Variants in CHST15 observed in about 807,000 individuals in gnomAD.
The protein encoded by CHST15 is carbohydrate sulfotransferase 15.
CHST15 carries 30 observed loss-of-function variants against 53.6 expected under a neutral mutation model. That is an observed-to-expected ratio of 0.56 (90% CI 0.42 to 0.76). The LOEUF (loss-of-function observed/expected upper bound fraction) is 0.76. CHST15 is among the 30% of genes least tolerant of loss of function. CHST15 has a pLI of 0.00. For synonymous variants in CHST15, 296 were observed against 289.8 expected (o/e 1.02, Z -0.22); for missense variants, 627 against 740.5 (o/e 0.85, Z 1.78).
intron 1 of CHST15, among the ~76,000 whole-genome samples, chr10:124,075,245 AG>A (rs573074956): frequency 4.7e-4 from 72 of 152,246 alleles, no homozygotes; most frequent in African/African-American, 1.7e-3. Context: ...CACGGTGGGG[AG>A]GGTACAATCC....
intron 4 of CHST15, 36 bp downstream of exon 4, chr10:124,042,265 G>A (rs372346153): frequency 1.3e-6 from 2 of 1,579,786 alleles, no homozygotes; most frequent in African/African-American, 1.3e-5. Context: ...CCCCAGGGAG[G>A]GTGCTAGCCC....
At chr10:124,055,448 C>G (rs576908555) in intron 1 of CHST15, among the ~76,000 whole-genome samples, 1 of 152,134 alleles carries the variant, frequency 6.6e-6, no homozygotes, top group Non-Finnish European at 1.5e-5. Flanking sequence ...TGGGTCCTCA[C>G]TCCAGGGTTA....
intron 7 of CHST15, chr10:124,011,647 C>G (rs1946420184): frequency 1.0e-6 from 1 of 985,348 alleles, no homozygotes; most frequent in African/African-American, 1.7e-5. Context: ...GCACATGCCT[C>G]TGCCAGCCAT....
At chr10:124,018,970 G>A (rs922229849) in intron 6 of CHST15, among the ~76,000 whole-genome samples, 1 of 152,196 alleles carries the variant, frequency 6.6e-6, no homozygotes, top group Non-Finnish European at 1.5e-5. Flanking sequence ...CCGCGAGCAC[G>A]TTCCCCGATT....
Position 124,045,826 on chromosome 10 carries a change from A to G in CHST15, c.387T>C (p.Ser129=), listed in dbSNP as rs762475795. 5 of 1,614,034 alleles carry G rather than the reference A, an allele frequency of 3.1e-6. No individual in the cohort carries two copies. Among genetic ancestry groups the G allele is most frequent in the Non-Finnish European group, 4.2e-6 (5 of 1,180,012 alleles). The change falls in exon 2 of 8, where the codon AGT becomes AGC. Residue 129 remains serine (S), a synonymous_variant. Coordinates refer to ENST00000435907, the MANE Select transcript of CHST15 (RefSeq NM_001270764.2). ...ATTGGTGGTGATGCTCCTTTGTGTCACTTGGGTTTTCGCTGTCCATCAAGC... is the reference window on the plus strand; with the variant it reads ...ATTGGTGGTGATGCTCCTTTGTGTCGCTTGGGTTTTCGCTGTCCATCAAGC... The part of the protein sequence containing the change: ...NPSLMDSENP[S]DTKEHHHQSS...
At position 124,046,255 on chromosome 10, in the gene CHST15, G is replaced by C. The variant is rs1009205541; in HGVS notation, c.-43C>G. 6.5e-7 allele frequency: 1 copy of C among 1,534,258 alleles called. No homozygotes were observed. The highest frequency in any genetic ancestry group is 2.0e-5 in the Admixed American group (1 of 50,162). ...GGGCTGCTGGCTTACCGAGCCATGG[G>C]TGGGCCCCCCACGAGTCTGGATGTC... On this transcript the variant is annotated 5_prime_UTR_variant, in exon 2 of 8. Coordinates refer to ENST00000435907, the MANE Select transcript of CHST15 (RefSeq NM_001270764.2).
At chr10:124,079,242 C>T (rs1949166372) in intron 1 of CHST15, among the ~76,000 whole-genome samples, 1 of 152,212 alleles carries the variant, frequency 6.6e-6, no homozygotes, top group South Asian at 2.1e-4. Context: ...GTCACAACTA[C>T]TGACCAATAT....
chr10:124,068,239 T>A (rs1288112385), intron 1 of CHST15, among the ~76,000 whole-genome samples: 1 of 152,126 alleles, frequency 6.6e-6, no homozygotes, highest in African/African-American at 2.4e-5. Context: ...TACCAGGACA[T>A]GGGTTATCTA....
At chr10:124,083,355 G>A (rs1351662850) in intron 1 of CHST15, among the ~76,000 whole-genome samples, 1 of 152,138 alleles carries the variant, frequency 6.6e-6, no homozygotes, top group Non-Finnish European at 1.5e-5. Context: ...AGGGCCGAAA[G>A]CAAATTTATT....
intron 1 of CHST15, among the ~76,000 whole-genome samples, chr10:124,060,623 G>A (rs1017582068): frequency 2.0e-5 from 3 of 152,192 alleles, no homozygotes; most frequent in Admixed American, 1.3e-4. Flanking sequence ...GGCATGTGGA[G>A]GTGTGCCAGC....
At chr10:124,041,814 A>G (rs1393047266) in intron 4 of CHST15, among the ~76,000 whole-genome samples, 3 of 152,252 alleles carry the variant, frequency 2.0e-5, no homozygotes, top group African/African-American at 7.2e-5. Context: ...CTTTTTAAAC[A>G]GCAATTAGTT....
chr10:124,018,497 C>A (rs767837915), intron 6 of CHST15, among the ~76,000 whole-genome samples: 5 of 152,238 alleles, frequency 3.3e-5, no homozygotes, highest in Non-Finnish European at 7.3e-5. Context: ...CTGGGGGAGA[C>A]ACAGCCAGGC....
At chr10:124,025,040 C>G (rs961051891) in intron 5 of CHST15, among the ~76,000 whole-genome samples, 3 of 152,230 alleles carry the variant, frequency 2.0e-5, no homozygotes, top group Non-Finnish European at 4.4e-5. Context: ...TTACCTCACA[C>G]AAACCCAAAC....
At chr10:124,085,873 G>C (rs979147944) in intron 1 of CHST15, among the ~76,000 whole-genome samples, 2 of 152,192 alleles carry the variant, frequency 1.3e-5, no homozygotes, top group Admixed American at 6.5e-5. Flanking sequence ...CGATGATGAA[G>C]TAGGCAAATG....
intron 5 of CHST15, among the ~76,000 whole-genome samples, chr10:124,033,345 A>G (rs1324364636): frequency 1.3e-5 from 2 of 152,240 alleles, no homozygotes; most frequent in Non-Finnish European, 2.9e-5. Context: ...TTCCTCTGCC[A>G]CTAGAGCTGG....
chr10:124,083,503 C>T (rs7900094), intron 1 of CHST15, among the ~76,000 whole-genome samples: 105,563 of 152,054 alleles, frequency 0.69, 36,973 homozygotes, highest in African/African-American at 0.78. Flanking sequence ...TTTTTCTTTT[C>T]CTTTTTTTTG....
chr10:124,012,254 G>GCATT (rs1946436766), intron 7 of CHST15, 79 bp downstream of exon 7: 2 of 1,520,068 alleles, frequency 1.3e-6, no homozygotes, highest in Non-Finnish European at 8.9e-7. Context: ...GACCAGGTCT[G>GCATT]CATTTGCCCC....
At chr10:124,042,532 A>T in intron 3 of CHST15, 85 bp from the exon 4 acceptor site, 1 of 1,500,916 alleles carries the variant, frequency 6.7e-7, no homozygotes, top group South Asian at 1.2e-5. Context: ...CCAAAGAGAG[A>T]TGGAAAGGCC....
At chr10:124,054,358 C>A (rs1298607592) in intron 1 of CHST15, among the ~76,000 whole-genome samples, 1 of 152,234 alleles carries the variant, frequency 6.6e-6, no homozygotes. Context: ...GCACACTTGA[C>A]TCTCTGTTAA....
Sources: allele counts gnomAD v4.1 joint callset (sites outside exome capture counted in the v4.1 genomes callset), GRCh38; gene constraint gnomAD v4.1.1; transcripts MANE v1.5; gene names NCBI Gene and HGNC (gene_info 2026-07-23, HGNC 2026-07-21).